RIMS2: variants seen among roughly 807,000 people sequenced by gnomAD.
The protein encoded by RIMS2 is regulating synaptic membrane exocytosis 2.
RIMS2 carries 59 observed loss-of-function variants against 174.4 expected under a neutral mutation model. The observed-to-expected ratio is 0.34, with a 90% CI of 0.27 to 0.42. RIMS2 has a LOEUF of 0.42. Ranked by LOEUF, RIMS2 falls within the 10% of genes least tolerant of loss-of-function variation. The pLI is 1.00. For synonymous variants in RIMS2, 606 were observed against 572.5 expected (o/e 1.06, Z -0.84); for missense variants, 1,620 against 1,666.3 (o/e 0.97, Z 0.48).
At chr8:103,636,802 AC>A (rs2096093456) in intron 1 of RIMS2, among the ~76,000 whole-genome samples, 17 of 10,494 alleles carry the variant, frequency 1.6e-3, no homozygotes, top group Admixed American at 1.2e-3. Context: ...CCCCCCCCCC[AC>A]ACACACACAC....
chr8:103,601,824 A>G (rs986325951), intron 1 of RIMS2, among the ~76,000 whole-genome samples: 1 of 151,154 alleles, frequency 6.6e-6, no homozygotes, highest in East Asian at 1.9e-4. Context: ...GTTTTTTTCA[A>G]TTTGAGGTTA....
At position 104,041,324 on chromosome 8, in the gene RIMS2, A is replaced by T. The variant is rs1202701084; in HGVS notation, c.3334+26709A>T. On this transcript the variant is annotated intron_variant, in intron 19 of 23. Coordinates refer to ENST00000504942, the Ensembl canonical transcript of RIMS2. Reference sequence around the variant, plus strand: ...TCTGTCCATTACACGATGTGATCACAGAAGAACTGGACTCTACAAGGAGAA... The same window carrying T: ...TCTGTCCATTACACGATGTGATCACTGAAGAACTGGACTCTACAAGGAGAA... 1.4e-6 allele frequency: 1 copy of T among 698,760 alleles called. No homozygotes were observed. Among genetic ancestry groups the T allele is most frequent in the Non-Finnish European group, 2.6e-6 (1 of 380,416 alleles). 43.3% of individuals were successfully genotyped at this position (698,760 alleles called of 1,614,324 possible).
At chr8:103,736,478 A>AT (rs2097687255) in intron 2 of RIMS2, among the ~76,000 whole-genome samples, 1 of 152,072 alleles carries the variant, frequency 6.6e-6, no homozygotes, top group Admixed American at 6.6e-5. Flanking sequence ...ACTTATTCAT[A>AT]TTTTTTACCC....
At chr8:103,709,545 G>T (rs1008526397) in intron 2 of RIMS2, among the ~76,000 whole-genome samples, 1 of 152,138 alleles carries the variant, frequency 6.6e-6, no homozygotes, top group Non-Finnish European at 1.5e-5. Context: ...GCAATGCTCA[G>T]TTTAGCACTA....
At chr8:103,662,332 A>T (rs185130812) in intron 1 of RIMS2, among the ~76,000 whole-genome samples, 3 of 152,362 alleles carry the variant, frequency 2.0e-5, no homozygotes. Flanking sequence ...GTTTACAGTT[A>T]ACGACATCAG....
intron 2 of RIMS2, among the ~76,000 whole-genome samples, chr8:103,715,217 T>G (rs564613623): frequency 6.6e-6 from 1 of 152,288 alleles, no homozygotes; most frequent in South Asian, 2.1e-4. Flanking sequence ...GTTTGTTACA[T>G]AGGTAAATGT....
chr8:103,616,127 C>G lies in RIMS2; in HGVS notation c.177-80959C>G, dbSNP rs553702801. On this transcript the variant is annotated intron_variant, in intron 1 of 23. Coordinates refer to ENST00000504942, the Ensembl canonical transcript of RIMS2. ...CATTGATGTAAAAATCAACAAAATA[C>G]TTGCAAACTGAATCCAGCAGAACAA... 8.5e-5 allele frequency among the ~76,000 whole-genome samples: 13 copies of G among 152,252 alleles called. No homozygotes were observed. In the East Asian group the frequency reaches 2.1e-3, roughly 25 times the overall value.
chr8:103,942,208 A>T (rs2154538658), intron 13 of RIMS2, among the ~76,000 whole-genome samples: 1 of 152,224 alleles, frequency 6.6e-6, no homozygotes, highest in East Asian at 1.9e-4. Flanking sequence ...TGTGTTTCTC[A>T]TCATTTAGCT....
intron 1 of RIMS2, among the ~76,000 whole-genome samples, chr8:103,569,565 A>G (rs960653864): frequency 6.6e-6 from 1 of 152,100 alleles, no homozygotes; most frequent in Non-Finnish European, 1.5e-5. Flanking sequence ...TCAGTATACA[A>G]ATCTTACACT....
intron 4 of RIMS2, among the ~76,000 whole-genome samples, chr8:103,900,446 A>C (rs756502834): frequency 9.4e-5 from 14 of 148,716 alleles, no homozygotes; most frequent in Non-Finnish European, 1.8e-4. Flanking sequence ...CCATTATAGT[A>C]GTTCTTAATT....
intron 1 of RIMS2, among the ~76,000 whole-genome samples, chr8:103,590,378 G>A (rs1014629637): frequency 1.3e-5 from 2 of 151,262 alleles, no homozygotes; most frequent in Non-Finnish European, 3.0e-5. Flanking sequence ...CCATATCCAC[G>A]AAGCCCCAGG....
intron 1 of RIMS2, among the ~76,000 whole-genome samples, chr8:103,574,717 T>C (rs963927251): frequency 6.6e-6 from 1 of 152,206 alleles, no homozygotes; most frequent in Non-Finnish European, 1.5e-5. Flanking sequence ...TCATGAACTT[T>C]AGTAATTGTA....
intron 1 of RIMS2, among the ~76,000 whole-genome samples, chr8:103,526,956 C>T (rs1199001372): frequency 6.6e-6 from 1 of 152,090 alleles, no homozygotes; most frequent in Non-Finnish European, 1.5e-5. Context: ...CATAGCTAGG[C>T]ATATCACAAT....
chr8:103,669,604 A>G (rs941011731), intron 1 of RIMS2, among the ~76,000 whole-genome samples: 2 of 152,208 alleles, frequency 1.3e-5, no homozygotes, highest in Non-Finnish European at 1.5e-5. Flanking sequence ...GCCATTCCCA[A>G]TGGGAGAAAT....
chr8:104,224,819 G>T (rs1318900966), intron 19 of RIMS2, among the ~76,000 whole-genome samples: 2 of 152,260 alleles, frequency 1.3e-5, no homozygotes, highest in South Asian at 2.1e-4. Context: ...GAAGATGGAG[G>T]ATTGGTAATA....
intron 19 of RIMS2, among the ~76,000 whole-genome samples, chr8:104,139,935 C>T (rs2098552486): frequency 1.3e-5 from 2 of 152,160 alleles, no homozygotes; most frequent in South Asian, 2.1e-4. Context: ...AGGTATGTTC[C>T]TTCTATACCC....
chr8:103,944,232 T>A (rs1044370305), intron 14 of RIMS2, among the ~76,000 whole-genome samples: 2 of 152,112 alleles, frequency 1.3e-5, no homozygotes, highest in Non-Finnish European at 2.9e-5. Context: ...CATACACTTC[T>A]ATTTTCAAAT....
At chr8:104,161,818 T>C (rs994110447) in intron 19 of RIMS2, among the ~76,000 whole-genome samples, 7 of 152,210 alleles carry the variant, frequency 4.6e-5, no homozygotes, top group African/African-American at 1.7e-4. Context: ...TCCAAGGTCA[T>C]TCAGTTGTTG....
chr8:104,126,384 G>A (rs994217379), intron 19 of RIMS2, among the ~76,000 whole-genome samples: 1 of 152,102 alleles, frequency 6.6e-6, no homozygotes, highest in Non-Finnish European at 1.5e-5. Flanking sequence ...AATAAATAGT[G>A]CCAGCTAAAT....
Sources: gnomAD v4.1 joint callset for allele counts (sites outside exome capture counted in the v4.1 genomes callset) on GRCh38, gnomAD v4.1.1 for gene constraint, MANE v1.5 for transcripts, NCBI Gene and HGNC (gene_info 2026-07-23, HGNC 2026-07-21) for gene names.